The following PTPRD variants were observed in gnomAD, a reference collection of about 807,000 sequenced individuals.
The protein encoded by PTPRD is receptor-type tyrosine-protein phosphatase delta.
Under a neutral mutation model 214.5 loss-of-function variants are expected in PTPRD, and 34 were observed. The observed-to-expected ratio is 0.16, with a 90% CI of 0.12 to 0.21. The LOEUF is 0.21. PTPRD is among the 10% of genes least tolerant of loss of function. The probability of loss-of-function intolerance (pLI) is 1.00; values close to 1 mark genes in which losing one functional copy is unlikely to be tolerated. For synonymous variants in PTPRD, 1,128 were observed against 845.7 expected (o/e 1.33, Z -5.79); for missense variants, 2,545 against 2,398.7 (o/e 1.06, Z -1.27).
chr9:10,341,185 C>T lies in PTPRD; in HGVS notation c.-599-168G>A, dbSNP rs1387103910. ...GAGAAAATCTAGGACCTCCAACTTT[C>T]GGTATTGATTTGTCCATGGTTAACA... On this transcript the variant is annotated intron_variant, in intron 2 of 45. Transcript: ENST00000381196. 6.6e-5 allele frequency among the ~76,000 whole-genome samples: 10 copies of T among 151,986 alleles called. No individual in the cohort carries two copies. In the South Asian group the frequency reaches 2.1e-3, roughly 32 times the overall value.
intron 2 of PTPRD, among the ~76,000 whole-genome samples, chr9:10,585,489 G>C (rs1406264152): frequency 6.6e-6 from 1 of 151,938 alleles, no homozygotes. Flanking sequence ...AAAGCTTTTA[G>C]AAAATGAATA....
chr9:10,356,662 T>A (rs2097283917), intron 2 of PTPRD, among the ~76,000 whole-genome samples: 1 of 152,122 alleles, frequency 6.6e-6, no homozygotes. Context: ...GGCTCATGTA[T>A]TCATAAAAAT....
intron 10 of PTPRD, among the ~76,000 whole-genome samples, chr9:9,035,322 C>T (rs1248339514): frequency 2.6e-5 from 4 of 151,980 alleles, no homozygotes; most frequent in Non-Finnish European, 4.4e-5. Flanking sequence ...TATAAAGTAC[C>T]TTCTCTGTCT....
At chr9:9,424,963 G>C (rs1042697638) in intron 8 of PTPRD, among the ~76,000 whole-genome samples, 2 of 152,180 alleles carry the variant, frequency 1.3e-5, no homozygotes, top group Non-Finnish European at 2.9e-5. Flanking sequence ...CTTAAAGCTG[G>C]ACTGGGTCTG....
intron 2 of PTPRD, chr9:10,532,439 C>T (rs998654439): frequency 1.5e-5 from 2 of 132,258 alleles, no homozygotes; most frequent in Admixed American, 1.7e-4. Flanking sequence ...GTTAGTGTTC[C>T]TAAAATAAAT....
At chr9:10,586,518 G>A (rs1250474646) in intron 2 of PTPRD, among the ~76,000 whole-genome samples, 1 of 152,052 alleles carries the variant, frequency 6.6e-6, no homozygotes, top group Non-Finnish European at 1.5e-5. Context: ...ATAGTACCTT[G>A]TGAGACTAAA....
At chr9:10,075,379 T>C (rs1411089667) in intron 3 of PTPRD, among the ~76,000 whole-genome samples, 1 of 152,098 alleles carries the variant, frequency 6.6e-6, no homozygotes, top group Admixed American at 6.6e-5. Flanking sequence ...CTAAGCCAAC[T>C]ATGAAAGTAA....
intron 11 of PTPRD, among the ~76,000 whole-genome samples, chr9:8,971,956 T>C (rs1316883660): frequency 1.3e-5 from 2 of 151,854 alleles, no homozygotes; most frequent in Non-Finnish European, 2.9e-5. Flanking sequence ...CAAGCTATAC[T>C]ATCTCATTGC....
At chr9:9,974,955 G>T (rs937132287) in intron 4 of PTPRD, among the ~76,000 whole-genome samples, 2 of 152,096 alleles carry the variant, frequency 1.3e-5, no homozygotes, top group African/African-American at 4.8e-5. Flanking sequence ...GTAGAGAGAA[G>T]GAAAACTGGC....
intron 9 of PTPRD, among the ~76,000 whole-genome samples, chr9:9,258,798 G>T (rs1461789353): frequency 6.6e-6 from 1 of 151,812 alleles, no homozygotes; most frequent in Non-Finnish European, 1.5e-5. Flanking sequence ...CAGGGGACTG[G>T]GGGATGGAGA....
intron 11 of PTPRD, among the ~76,000 whole-genome samples, chr9:9,013,416 A>T (rs1356064811): frequency 1.3e-5 from 2 of 152,138 alleles, no homozygotes; most frequent in Non-Finnish European, 2.9e-5. Flanking sequence ...CAGAACTAAT[A>T]ATAGACTTCA....
intron 8 of PTPRD, among the ~76,000 whole-genome samples, chr9:9,505,591 T>C (rs931034672): frequency 6.6e-6 from 1 of 151,434 alleles, no homozygotes; most frequent in African/African-American, 2.4e-5. Context: ...AAGCAAAGGA[T>C]ATATTCCTTG....
At chr9:10,537,175 G>C (rs1486253339) in intron 2 of PTPRD, among the ~76,000 whole-genome samples, 1 of 152,048 alleles carries the variant, frequency 6.6e-6, no homozygotes, top group Non-Finnish European at 1.5e-5. Flanking sequence ...ACTAAATTAG[G>C]TCATATAGTT....
rs76643364 is a variant in PTPRD, at chr9:8,757,253, T to C, written c.-103-23307A>G. Among the ~76,000 whole-genome samples, 7 of 152,330 alleles carry C rather than the reference T, an allele frequency of 4.6e-5. No homozygotes were observed. In the East Asian group the frequency reaches 1.3e-3, roughly 29 times the overall value. On this transcript the variant is annotated intron_variant, in intron 11 of 45. Transcript: ENST00000381196. ...GGTCAAACAAGGACAATGCCTCTAATAAATTTGCTTATCTGAAAATATAGG... is the reference window on the plus strand; with the variant it reads ...GGTCAAACAAGGACAATGCCTCTAACAAATTTGCTTATCTGAAAATATAGG...
At chr9:9,918,604 G>C (rs2081630062) in intron 5 of PTPRD, among the ~76,000 whole-genome samples, 1 of 152,040 alleles carries the variant, frequency 6.6e-6, no homozygotes, top group Non-Finnish European at 1.5e-5. Context: ...AAGCCATCCT[G>C]AGACAAAACA....
At chr9:9,301,285 A>G (rs963847336) in intron 9 of PTPRD, among the ~76,000 whole-genome samples, 3 of 151,840 alleles carry the variant, frequency 2.0e-5, no homozygotes, top group Non-Finnish European at 4.4e-5. Context: ...AACAGATTTC[A>G]TGCTATTTTT....
chr9:9,919,008 A>T (rs965533901), intron 5 of PTPRD, among the ~76,000 whole-genome samples: 3 of 152,108 alleles, frequency 2.0e-5, no homozygotes, highest in African/African-American at 7.2e-5. Flanking sequence ...TAATCATACT[A>T]ATCTTGATGT....
chr9:8,492,112 C>T (rs1196301856), intron 27 of PTPRD, among the ~76,000 whole-genome samples: 1 of 152,140 alleles, frequency 6.6e-6, no homozygotes, highest in African/African-American at 2.4e-5. Flanking sequence ...TACTATTTAG[C>T]CTTCTTGCTT....
At chr9:9,741,812 T>C (rs141539474) in intron 6 of PTPRD, among the ~76,000 whole-genome samples, 162 of 152,318 alleles carry the variant, frequency 1.1e-3, no homozygotes, top group African/African-American at 3.7e-3. Context: ...TGCATAGTAT[T>C]CCATGGTGTA....
Sources: allele counts gnomAD v4.1 joint callset (sites outside exome capture counted in the v4.1 genomes callset), GRCh38; gene constraint gnomAD v4.1.1; transcripts MANE v1.5; gene names NCBI Gene and HGNC (gene_info 2026-07-23, HGNC 2026-07-21).